Variants in MMRN2 observed in about 807,000 individuals in gnomAD.
MMRN2 encodes multimerin 2.
A neutral mutation model predicts 68.8 loss-of-function variants in MMRN2; 53 were observed. The observed-to-expected ratio is 0.77, with a 90% CI of 0.62 to 0.97. The LOEUF (loss-of-function observed/expected upper bound fraction) is 0.97. Among genes scored for constraint, MMRN2 ranks in the 50% least tolerant of loss-of-function variants. MMRN2 has a pLI of 0.00. For missense variants in MMRN2, 1,266 were observed against 1,259.5 expected (o/e 1.01, Z -0.08); for synonymous variants, 564 against 551.6 (o/e 1.02, Z -0.32).
At chr10:86,939,614 T>TCGTTCCGGC (rs1433087768) in intron 6 of MMRN2, among the ~76,000 whole-genome samples, 2 of 151,294 alleles carry the variant, frequency 1.3e-5, no homozygotes, top group East Asian at 3.9e-4. Context: ...TGCTAGGCCC[T>TCGTTCCGGC]CGTTCCGGCC....
chr10:86,951,738 GC>G (rs1433786068), intron 1 of MMRN2, among the ~76,000 whole-genome samples: 1 of 152,064 alleles, frequency 6.6e-6, no homozygotes, highest in African/African-American at 2.4e-5. Context: ...AAGAGAAAAT[GC>G]AGATGAATAA....
chr10:86,955,560 C>T lies in MMRN2; in HGVS notation c.164+1818G>A, dbSNP rs530663161. On this transcript the variant is annotated intron_variant, in intron 1 of 6. Coordinates refer to ENST00000372027, the MANE Select transcript of MMRN2 (RefSeq NM_024756.3). ...GGGCAGAATGCCTGGCCCTGGCAGC[C>T]GAGCCTCCTTGTGATGGTGTTGGTG... Among the ~76,000 whole-genome samples, 67 of 152,310 alleles carry T rather than the reference C, an allele frequency of 4.4e-4. 1 individual carries two copies. The highest frequency in any genetic ancestry group is 1.4e-3 in the African/African-American group (59 of 41,582).
chr10:86,956,770 G>A (rs905588109), intron 1 of MMRN2, among the ~76,000 whole-genome samples: 3 of 152,244 alleles, frequency 2.0e-5, no homozygotes, highest in African/African-American at 7.2e-5. Context: ...TTGGAGATGA[G>A]GGGGGACTTA....
At position 86,957,378 on chromosome 10, in the gene MMRN2, C is replaced by T. The variant is rs758783725; in HGVS notation, c.164G>A (p.Arg55His). The T allele has an allele frequency of 6.8e-6, 11 of 1,612,936 alleles. No homozygotes were observed. Among genetic ancestry groups the T allele is most frequent in the East Asian group, 2.2e-5 (1 of 44,880 alleles). Residue 55 changes from arginine (R) to histidine (H), a missense_variant and splice_region_variant, in exon 1 of 7, where the codon CGT becomes CAT. Transcript: ENST00000372027. Reference sequence around the variant, plus strand: ...TCTGCCAAGGTCCAGGCCCTCTTACCGTCCTACGGGGTCCTTGCCGGTGTC... The same window carrying T: ...TCTGCCAAGGTCCAGGCCCTCTTACTGTCCTACGGGGTCCTTGCCGGTGTC... ...AEDTGKDPVGRNWCPYPMSKL... is the reference protein window; with the variant it reads ...AEDTGKDPVGHNWCPYPMSKL...
At chr10:86,953,569 C>G (rs1844172803) in intron 1 of MMRN2, among the ~76,000 whole-genome samples, 1 of 152,156 alleles carries the variant, frequency 6.6e-6, no homozygotes, top group Non-Finnish European at 1.5e-5. Context: ...GGTACTTTCC[C>G]CAGGTGCATT....
chr10:86,942,194 T>G, intron 6 of MMRN2, 123 bp downstream of exon 6: 1 of 1,171,622 alleles, frequency 8.5e-7, no homozygotes, highest in Non-Finnish European at 1.2e-6. Flanking sequence ...AAGGTGGACC[T>G]AGTAGGGGTG....
Position 86,936,450 on chromosome 10 carries a change from T to A in MMRN2, c.*293A>T. 1.9e-6 allele frequency: 1 copy of A among 521,470 alleles called. No homozygotes were observed. The highest frequency in any genetic ancestry group is 3.4e-6 in the Non-Finnish European group (1 of 296,418). 32.3% of individuals were successfully genotyped at this position (521,470 alleles called of 1,614,324 possible). A position where few individuals can be genotyped will look rare whatever the true frequency, so the allele number is the denominator to read the frequency against. ...ACCAAAGAAGTTGTAGAATACAGGG[T>A]GTGGTGAAGAGTTGGAGCCCAGGCC... is the stretch of plus-strand genomic sequence containing the variant. On this transcript the variant is annotated 3_prime_UTR_variant, in exon 7 of 7. Coordinates refer to ENST00000372027, the MANE Select transcript of MMRN2 (RefSeq NM_024756.3).
At position 86,945,662 on chromosome 10, in the gene MMRN2, C is replaced by T. The variant is rs748710111; in HGVS notation, c.192G>A (p.Lys64=). ...GRNWCPYPMS[K]LVTLLALCKT... is the part of the protein sequence containing the mutation. ...TGCAAAGAGCTAGTAAGGTGACCAG[C>T]TTGGACATTGGGTAGGGGCACCAGT... The change falls in exon 2 of 7, where the codon AAG becomes AAA. Residue 64 remains lysine, a synonymous_variant. Coordinates refer to ENST00000372027, the MANE Select transcript of MMRN2 (RefSeq NM_024756.3). 19 of 1,614,080 alleles carry T rather than the reference C, an allele frequency of 1.2e-5. No individual in the cohort carries two copies. Among genetic ancestry groups the T allele is most frequent in the Non-Finnish European group, 1.6e-5 (19 of 1,180,024 alleles).
At chr10:86,950,113 GA>G (rs1844126819) in intron 1 of MMRN2, among the ~76,000 whole-genome samples, 1 of 151,976 alleles carries the variant, frequency 6.6e-6, no homozygotes, top group Non-Finnish European at 1.5e-5. Context: ...TTGGGAGGCC[GA>G]AGCAGGCGGA....
chr10:86,948,224 CA>C (rs57877767), intron 1 of MMRN2, among the ~76,000 whole-genome samples: 8,146 of 98,820 alleles, frequency 0.082, 183 homozygotes, highest in Middle Eastern at 0.17. Context: ...AACCCTATCT[CA>C]AAAAAAAAAA....
intron 1 of MMRN2, among the ~76,000 whole-genome samples, chr10:86,946,214 C>T (rs1035574754): frequency 1.3e-5 from 2 of 152,214 alleles, no homozygotes; most frequent in African/African-American, 2.4e-5. Context: ...TCTCTTTCCC[C>T]ATCTATACAA....
intron 1 of MMRN2, among the ~76,000 whole-genome samples, chr10:86,947,091 C>T (rs1284829312): frequency 6.6e-6 from 1 of 152,080 alleles, no homozygotes; most frequent in Non-Finnish European, 1.5e-5. Context: ...CATGAAAGAG[C>T]CACCCTGGTC....
In MMRN2 at chr10:86,955,902, C is replaced by T. The variant is rs996648879; in HGVS notation, c.164+1476G>A. On this transcript the variant is annotated intron_variant, in intron 1 of 6. Transcript: ENST00000372027. ...AGAACCCCAGAGAAGGACTGCGGGG[C>T]CCCTGCAGGGCTGCCCATCAGCAGT... 3.3e-5 allele frequency among the ~76,000 whole-genome samples: 5 copies of T among 152,240 alleles called. No individual in the cohort carries two copies. In the South Asian group the frequency reaches 8.3e-4, roughly 25 times the overall value.
intron 1 of MMRN2, among the ~76,000 whole-genome samples, chr10:86,950,171 C>T (rs780869991): frequency 4.6e-5 from 7 of 151,918 alleles, no homozygotes; most frequent in African/African-American, 7.3e-5. Flanking sequence ...ATAGTGACAC[C>T]CTGTCTCTAC....
chr10:86,945,953 A>C, intron 1 of MMRN2: 6 of 817,276 alleles, frequency 7.3e-6, no homozygotes, highest in East Asian at 3.6e-5. Flanking sequence ...ACCCACCACA[A>C]TCTAGAACTG....
intron 6 of MMRN2, among the ~76,000 whole-genome samples, chr10:86,938,100 A>G (rs1444555778): frequency 6.6e-6 from 1 of 151,990 alleles, no homozygotes; most frequent in African/African-American, 2.4e-5. Context: ...ATGCCTGGCT[A>G]ATTTTTTATT....
Position 86,942,795 on chromosome 10 carries a change from C to G in MMRN2, c.1989G>C (p.Thr663=). 2 of 1,359,676 alleles carry G rather than the reference C, an allele frequency of 1.5e-6. No individual in the cohort carries two copies. The highest frequency in any genetic ancestry group is 1.9e-6 in the Non-Finnish European group (2 of 1,058,638). The allele number at this position is 1,359,676 out of a possible 1,614,324, so 84.2% of individuals were successfully genotyped here. A position where few individuals can be genotyped will look rare whatever the true frequency, so the allele number is the denominator to read the frequency against. ...LGWDELAARV[T]ALEQASEPPR... Reference sequence around the variant, plus strand: ...GGGGCTCCGAGGCCTGCTCCAGGGCCGTCACTCGGGCGGCCAGCTCGTCCC... The same window carrying G: ...GGGGCTCCGAGGCCTGCTCCAGGGCGGTCACTCGGGCGGCCAGCTCGTCCC... The change falls in exon 6 of 7, where the codon ACG becomes ACC. Residue 663 remains threonine (T), a synonymous_variant. Transcript: ENST00000372027.
At chr10:86,945,753 C>G in intron 1 of MMRN2, 64 bp from the exon 2 acceptor site, 1 of 1,609,080 alleles carries the variant, frequency 6.2e-7, no homozygotes, top group East Asian at 2.2e-5. Flanking sequence ...GGTGCCAGTG[C>G]AGAGCCACCG....
Position 86,944,052 on chromosome 10 carries a change from G to A in MMRN2, c.732C>T (p.Ile244=). Residue 244 remains isoleucine (I), a synonymous_variant, in exon 6 of 7, where the codon ATC becomes ATT. Transcript: ENST00000372027. Reference sequence around the variant, plus strand: ...GCAGGCTTTGGTTAAAGCTCCTCCAGATGGGGCTGAAATGCACTTGTAGGA... The same window carrying A: ...GCAGGCTTTGGTTAAAGCTCCTCCAAATGGGGCTGAAATGCACTTGTAGGA... ...DTFLQVHFSP[I]WRSFNQSLHS... 1 of 1,614,174 alleles carries A rather than the reference G, an allele frequency of 6.2e-7. No individual in the cohort carries two copies. Among genetic ancestry groups the A allele is most frequent in the South Asian group, 1.1e-5 (1 of 91,084 alleles).
Sources: allele counts gnomAD v4.1 joint callset (sites outside exome capture counted in the v4.1 genomes callset), GRCh38; gene constraint gnomAD v4.1.1; transcripts MANE v1.5; gene names NCBI Gene and HGNC (gene_info 2026-07-23, HGNC 2026-07-21).